Variants in PTPRT observed in about 807,000 individuals in gnomAD.
PTPRT encodes receptor-type tyrosine-protein phosphatase T.
A neutral mutation model predicts 176.8 loss-of-function variants in PTPRT; 56 were observed. That is an observed-to-expected ratio of 0.32 (90% CI 0.26 to 0.40). The LOEUF is 0.40. Among genes scored for constraint, PTPRT ranks in the 10% least tolerant of loss-of-function variants. The pLI is 1.00. For missense variants in PTPRT, 1,540 were observed against 1,908.2 expected, an observed-to-expected ratio of 0.81 and a Z score of 3.60; for synonymous variants, 783 against 739.0, an observed-to-expected ratio of 1.06 and a Z score of -0.96.
intron 1 of PTPRT, among the ~76,000 whole-genome samples, chr20:43,083,348 ATATATATATATATATATATAT>A (rs1568774149): frequency 8.9e-5 from 11 of 123,980 alleles, no homozygotes; most frequent in African/African-American, 3.3e-4. Flanking sequence ...ATATATATAT[ATATATATATATATATATATAT>A]ACATTTTTTG....
intron 1 of PTPRT, among the ~76,000 whole-genome samples, chr20:42,910,252 A>G (rs1458295315): frequency 6.6e-6 from 1 of 152,192 alleles, no homozygotes; most frequent in Non-Finnish European, 1.5e-5. Flanking sequence ...GAGTTTTTAC[A>G]TAAATTTCTC....
intron 7 of PTPRT, among the ~76,000 whole-genome samples, chr20:42,598,010 G>T (rs925180689): frequency 6.6e-6 from 1 of 152,054 alleles, no homozygotes; most frequent in African/African-American, 2.4e-5. Context: ...TATGCCCACA[G>T]AAGCCTTTTC....
At chr20:42,176,366 C>A (rs980457981) in intron 16 of PTPRT, among the ~76,000 whole-genome samples, 1 of 152,240 alleles carries the variant, frequency 6.6e-6, no homozygotes, top group East Asian at 1.9e-4. Flanking sequence ...ACTCAAAATG[C>A]ATATCTTCTC....
rs74566222 is a variant in PTPRT, at chr20:42,416,035, T to A, written c.1560+32185A>T. ...TGAATGGTGACTCCTAAAAGATACA[T>A]CTGCTCAGAACCTGGAATTGTGATC... is the stretch of plus-strand genomic sequence containing the variant. On this transcript the variant is annotated intron_variant, in intron 9 of 30. Transcript: ENST00000373187. 4.3e-3 allele frequency among the ~76,000 whole-genome samples: 654 copies of A among 152,336 alleles called. 8 individuals are homozygous for A. The highest frequency in any genetic ancestry group is 0.02 in the East Asian group (103 of 5,184).
At chr20:42,270,542 A>C in intron 13 of PTPRT, 2 of 1,164,226 alleles carry the variant, frequency 1.7e-6, no homozygotes, top group Non-Finnish European at 2.5e-6. Flanking sequence ...CGGTGAACAA[A>C]ACTGCAATTC....
chr20:43,011,151 A>T (rs1387193681), intron 1 of PTPRT, among the ~76,000 whole-genome samples: 1 of 152,096 alleles, frequency 6.6e-6, no homozygotes, highest in African/African-American at 2.4e-5. Context: ...TCATTCATTC[A>T]AAATCATTGA....
intron 17 of PTPRT, among the ~76,000 whole-genome samples, chr20:42,145,828 A>G (rs1366474821): frequency 6.6e-6 from 1 of 152,190 alleles, no homozygotes; most frequent in African/African-American, 2.4e-5. Flanking sequence ...TTCTGTGTCC[A>G]ACGCCCTTAG....
Position 43,039,773 on chromosome 20 carries a change from G to T in PTPRT, c.88+149873C>A, listed in dbSNP as rs114020682. On this transcript the variant is annotated intron_variant, in intron 1 of 30. Transcript: ENST00000373187. ...GAAGAAAACCAGGCCGGGTGCACTG[G>T]CTCACACCTGTAATCCCAGCACTTC... Among the ~76,000 whole-genome samples the T allele has an allele frequency of 3.2e-3, 483 of 152,254 alleles. 2 individuals carry two copies. Among genetic ancestry groups the T allele is most frequent in the African/African-American group, 0.011 (448 of 41,536 alleles).
chr20:42,219,332 G>A (rs1002074770), intron 15 of PTPRT, among the ~76,000 whole-genome samples: 5 of 152,124 alleles, frequency 3.3e-5, no homozygotes, highest in African/African-American at 9.7e-5. Flanking sequence ...GAGAGGACTG[G>A]GGAGACCTGG....
At chr20:42,051,844 T>A in the PTPRT span, among the ~76,000 whole-genome samples, 1 of 152,236 alleles carries the variant, frequency 6.6e-6, no homozygotes, top group African/African-American at 2.4e-5. Flanking sequence ...CTGAGTGACC[T>A]TGTGTCTTCT....
chr20:42,904,113 A>G (rs1342019117), intron 1 of PTPRT, among the ~76,000 whole-genome samples: 1 of 152,184 alleles, frequency 6.6e-6, no homozygotes, highest in Non-Finnish European at 1.5e-5. Context: ...CCGGGAGTTC[A>G]TGTGCATCCA....
intron 7 of PTPRT, among the ~76,000 whole-genome samples, chr20:42,622,451 A>G (rs1375724765): frequency 6.6e-6 from 1 of 152,140 alleles, no homozygotes; most frequent in African/African-American, 2.4e-5. Context: ...CTTGTTAGCC[A>G]GGATGGTCTC....
intron 7 of PTPRT, among the ~76,000 whole-genome samples, chr20:42,633,384 C>T (rs893268730): frequency 2.0e-5 from 3 of 152,074 alleles, no homozygotes; most frequent in African/African-American, 2.4e-5. Flanking sequence ...GCTTGGAGAA[C>T]GGTATCATAG....
intron 2 of PTPRT, among the ~76,000 whole-genome samples, chr20:42,849,577 G>T (rs2078434644): frequency 6.6e-6 from 1 of 152,104 alleles, no homozygotes; most frequent in Non-Finnish European, 1.5e-5. Context: ...AGATAGGGTG[G>T]TACAGTGGGC....
At chr20:42,157,436 C>T (rs537276925) in intron 17 of PTPRT, among the ~76,000 whole-genome samples, 1 of 151,630 alleles carries the variant, frequency 6.6e-6, no homozygotes, top group African/African-American at 2.4e-5. Flanking sequence ...ACCTGTGCCT[C>T]CTGGGTTCAA....
chr20:42,572,507 T>C (rs747912352), intron 7 of PTPRT, among the ~76,000 whole-genome samples: 2 of 152,080 alleles, frequency 1.3e-5, no homozygotes, highest in Non-Finnish European at 2.9e-5. Context: ...GGCACATGCC[T>C]GGAATGCTCT....
At chr20:43,044,378 TC>T (rs2146218803) in intron 1 of PTPRT, among the ~76,000 whole-genome samples, 1 of 152,026 alleles carries the variant, frequency 6.6e-6, no homozygotes, top group Non-Finnish European at 1.5e-5. Flanking sequence ...GGTTACAGTT[TC>T]CCCCTCTCCA....
At chr20:43,123,470 G>C (rs558963576) in intron 1 of PTPRT, among the ~76,000 whole-genome samples, 2 of 152,240 alleles carry the variant, frequency 1.3e-5, no homozygotes, top group South Asian at 4.1e-4. Context: ...ATCTTCCAGG[G>C]AGTCCTCTTA....
At chr20:42,575,824 G>A (rs1035099990) in intron 7 of PTPRT, among the ~76,000 whole-genome samples, 3 of 151,794 alleles carry the variant, frequency 2.0e-5, no homozygotes, top group Admixed American at 6.6e-5. Context: ...CCACACCCTC[G>A]CCACACTAGT....
Sources: allele counts gnomAD v4.1 joint callset (sites outside exome capture counted in the v4.1 genomes callset), GRCh38; gene constraint gnomAD v4.1.1; transcripts MANE v1.5; gene names NCBI Gene and HGNC (gene_info 2026-07-23, HGNC 2026-07-21).